Variants in NTM observed in about 807,000 individuals in gnomAD.
The protein encoded by NTM is neurotrimin.
A neutral mutation model predicts 42.1 loss-of-function variants in NTM; 13 were observed. The observed-to-expected ratio is 0.31, with a 90% CI of 0.20 to 0.49. The LOEUF is 0.49. Among genes scored for constraint, NTM ranks in the 20% least tolerant of loss-of-function variants. The pLI, the probability that NTM is intolerant of heterozygous loss-of-function variation, is 0.99. For missense variants in NTM, 373 were observed against 452.8 expected (o/e 0.82, Z 1.60); for synonymous variants, 187 against 179.2 (o/e 1.04, Z -0.35).
chr11:132,060,255 C>T (rs2080433043), intron 2 of NTM, among the ~76,000 whole-genome samples: 1 of 152,254 alleles, frequency 6.6e-6, no homozygotes. Context: ...TGTCTTATTA[C>T]AAGTCTCTTT....
intron 1 of NTM, among the ~76,000 whole-genome samples, chr11:131,815,056 G>C (rs536323344): frequency 3.9e-5 from 6 of 152,082 alleles, no homozygotes; most frequent in African/African-American, 1.2e-4. Context: ...AAAAATGCAA[G>C]CATGATCACC....
intron 1 of NTM, among the ~76,000 whole-genome samples, chr11:131,401,832 A>ATATATATATATGTG (rs1945240082): frequency 1.2e-5 from 1 of 82,252 alleles, no homozygotes; most frequent in African/African-American, 4.7e-5. Context: ...ATATATATAT[A>ATATATATATATGTG]TATATATATA....
At chr11:132,113,660 A>C (rs962489864) in intron 2 of NTM, among the ~76,000 whole-genome samples, 2 of 152,142 alleles carry the variant, frequency 1.3e-5, no homozygotes, top group Non-Finnish European at 2.9e-5. Context: ...CAGTTAACAC[A>C]ATCATTTCTT....
At chr11:131,515,893 G>A (rs365570) in intron 1 of NTM, among the ~76,000 whole-genome samples, 22,827 of 152,116 alleles carry the variant, frequency 0.15, 1,921 homozygotes, top group Middle Eastern at 0.22. Flanking sequence ...GCTGGAAAAC[G>A]AGTCCATTCT....
At chr11:132,050,914 A>G (rs1489040734) in intron 2 of NTM, among the ~76,000 whole-genome samples, 2 of 152,194 alleles carry the variant, frequency 1.3e-5, no homozygotes, top group Non-Finnish European at 2.9e-5. Context: ...CTTCTTCTGC[A>G]TAACTATGCC....
intron 4 of NTM, among the ~76,000 whole-genome samples, chr11:132,266,469 C>G (rs1437773554): frequency 6.6e-6 from 1 of 152,172 alleles, no homozygotes; most frequent in African/African-American, 2.4e-5. Context: ...AACTGAGACC[C>G]AACCTCTATC....
chr11:131,405,133 C>T (rs780479540), intron 1 of NTM, among the ~76,000 whole-genome samples: 1 of 152,138 alleles, frequency 6.6e-6, no homozygotes, highest in Non-Finnish European at 1.5e-5. Context: ...ATGGGCAAAT[C>T]CCTTGGAATA....
intron 1 of NTM, among the ~76,000 whole-genome samples, chr11:131,407,649 C>T (rs1357977669): frequency 6.6e-6 from 1 of 152,198 alleles, no homozygotes; most frequent in Non-Finnish European, 1.5e-5. Flanking sequence ...TACTTTCTGC[C>T]TTAACTCAAA....
At position 132,278,129 on chromosome 11, in the gene NTM, A is replaced by G. The variant is rs564458022; in HGVS notation, c.527-29560A>G. Among the ~76,000 whole-genome samples, 124 of 152,320 alleles carry G rather than the reference A, an allele frequency of 8.1e-4. 1 individual carries two copies. Among genetic ancestry groups the G allele is most frequent in the African/African-American group, 2.9e-3 (121 of 41,576 alleles). ...TCCTTACCTTAGTTCAACACTCTGC[A>G]TCCTTTACAGCCTACCCAATACTTA... On this transcript the variant is annotated intron_variant, in intron 4 of 8. Coordinates refer to ENST00000683400, the MANE Select transcript of NTM (RefSeq NM_001352005.2).
intron 4 of NTM, among the ~76,000 whole-genome samples, chr11:132,228,642 A>C (rs998602521): frequency 2.6e-5 from 4 of 152,154 alleles, no homozygotes; most frequent in African/African-American, 9.7e-5. Context: ...AATTAGAGCA[A>C]ATTAGTGAGT....
rs79897499 is a variant in NTM at position 131,877,249 on chromosome 11, A to G, written c.83-34315A>G. 5.3e-3 allele frequency among the ~76,000 whole-genome samples: 814 copies of G among 152,220 alleles called. 9 individuals are homozygous for G. The highest frequency in any genetic ancestry group is 0.019 in the African/African-American group (784 of 41,544). ...CAGCAGCCACTCTTTGGGACAGTTC[A>G]TCTCCTCCCTCCTGTTAAGGATCTG... On this transcript the variant is annotated intron_variant, in intron 1 of 8. Coordinates refer to ENST00000683400, the MANE Select transcript of NTM (RefSeq NM_001352005.2).
intron 1 of NTM, among the ~76,000 whole-genome samples, chr11:131,628,214 A>G (rs759292117): frequency 6.6e-6 from 1 of 152,144 alleles, no homozygotes; most frequent in South Asian, 2.1e-4. Flanking sequence ...CACTCCACAC[A>G]CTCTGCAAAG....
intron 1 of NTM, among the ~76,000 whole-genome samples, chr11:131,638,559 CCTT>C (rs1206456032): frequency 5.5e-5 from 7 of 126,288 alleles, no homozygotes; most frequent in African/African-American, 1.9e-4. Flanking sequence ...CAGCGAGACT[CCTT>C]CAAAAAAAAA....
intron 4 of NTM, among the ~76,000 whole-genome samples, chr11:132,307,318 G>A (rs577075629): frequency 6.6e-6 from 1 of 152,144 alleles, no homozygotes; most frequent in African/African-American, 2.4e-5. Context: ...CAGTCTAAGT[G>A]ATACCTTGAG....
chr11:131,649,175 T>C (rs537132774), intron 1 of NTM, among the ~76,000 whole-genome samples: 2 of 152,330 alleles, frequency 1.3e-5, no homozygotes, highest in African/African-American at 4.8e-5. Flanking sequence ...AAGTGACACC[T>C]TTCCCCAGAT....
intron 1 of NTM, among the ~76,000 whole-genome samples, chr11:131,650,387 A>G (rs1048521121): frequency 1.2e-4 from 19 of 152,140 alleles, no homozygotes; most frequent in African/African-American, 3.9e-4. Flanking sequence ...ACCTCATTGG[A>G]TGATGTTGGT....
intron 1 of NTM, among the ~76,000 whole-genome samples, chr11:131,713,202 C>T (rs1246765503): frequency 1.3e-5 from 2 of 151,976 alleles, no homozygotes; most frequent in East Asian, 1.9e-4. Flanking sequence ...AGCAACAAAA[C>T]GGAAACATGG....
intron 1 of NTM, among the ~76,000 whole-genome samples, chr11:131,668,241 T>C (rs1249286499): frequency 6.9e-6 from 1 of 143,948 alleles, no homozygotes; most frequent in Admixed American, 7.2e-5. Flanking sequence ...TGTGTGCATG[T>C]ATATCTACCT....
chr11:131,994,699 T>A (rs2067670635), intron 2 of NTM, among the ~76,000 whole-genome samples: 2 of 152,132 alleles, frequency 1.3e-5, no homozygotes, highest in African/African-American at 4.8e-5. Context: ...ACTTCAGTAA[T>A]TTTAGCTTTT....
Sources: allele counts gnomAD v4.1 joint callset (sites outside exome capture counted in the v4.1 genomes callset), GRCh38; gene constraint gnomAD v4.1.1; transcripts MANE v1.5; gene names NCBI Gene and HGNC (gene_info 2026-07-23, HGNC 2026-07-21).